The following ZNF563 variants were observed in gnomAD, a reference collection of about 807,000 sequenced individuals.
ZNF563 encodes the protein zinc finger protein 563.
Under a neutral mutation model 48.5 loss-of-function variants are expected in ZNF563, and 39 were observed. That is an observed-to-expected ratio of 0.80 (90% CI 0.62 to 1.05). The LOEUF (loss-of-function observed/expected upper bound fraction) is 1.05. Ranked by LOEUF, ZNF563 falls within the 50% of genes least tolerant of loss-of-function variation. ZNF563 has a pLI of 0.00. For synonymous variants in ZNF563, 168 were observed against 187.9 expected (o/e 0.89, Z 0.87); for missense variants, 538 against 597.0 (o/e 0.90, Z 1.03).
chr19:12,322,521 A>T, intron 2 of ZNF563, 64 bp downstream of exon 2: 1 of 1,497,432 alleles, frequency 6.7e-7, no homozygotes, highest in Non-Finnish European at 9.0e-7. Context: ...ATCATTGAAC[A>T]GCACTGATGA....
At chr19:12,335,468 A>G (rs1969008789), upstream of ZNF563, among the ~76,000 whole-genome samples, 1 of 152,228 alleles carries the variant, frequency 6.6e-6, no homozygotes, top group Non-Finnish European at 1.5e-5. Flanking sequence ...CCTGGGCCAC[A>G]TTGGAAGAAG....
upstream of ZNF563, among the ~76,000 whole-genome samples, chr19:12,336,742 C>G (rs144231400): frequency 9.8e-4 from 150 of 152,316 alleles, 1 homozygote; most frequent in Admixed American, 2.6e-3. Context: ...TTCAGTCACT[C>G]CCTGACCTTC....
At chr19:12,336,363 C>A (rs1278838358), upstream of ZNF563, among the ~76,000 whole-genome samples, 1 of 151,950 alleles carries the variant, frequency 6.6e-6, no homozygotes, top group South Asian at 2.1e-4. Flanking sequence ...GAGGCTGAGG[C>A]GGGCAGATCA....
chr19:12,342,066 C>T, the ZNF563 span, among the ~76,000 whole-genome samples: 1 of 152,204 alleles, frequency 6.6e-6, no homozygotes, highest in Non-Finnish European at 1.5e-5. Flanking sequence ...AGTTGGAGTA[C>T]AGTGGCATGA....
At chr19:12,330,440 G>A (rs1968893364) in intron 1 of ZNF563, among the ~76,000 whole-genome samples, 1 of 152,136 alleles carries the variant, frequency 6.6e-6, no homozygotes, top group South Asian at 2.1e-4. Flanking sequence ...CGTAGTTTAT[G>A]GCAATCTGGT....
At chr19:12,320,805 G>C (rs1450490457) in intron 3 of ZNF563, among the ~76,000 whole-genome samples, 1 of 151,994 alleles carries the variant, frequency 6.6e-6, no homozygotes, top group African/African-American at 2.4e-5. Context: ...AGCCTCATAT[G>C]TAAATTCTTA....
At position 12,319,282 on chromosome 19, in the gene ZNF563, G is replaced by T; in HGVS notation, c.743C>A (p.Thr248Asn). The T allele has an allele frequency of 1.2e-6, 2 of 1,613,838 alleles. No individual in the cohort carries two copies. The highest frequency in any genetic ancestry group is 1.7e-6 in the Non-Finnish European group (2 of 1,179,958). ...SSYRRHERMH[T>N]GEKPYECKQC... ...CTTACATTCATACGGTTTCTCCCCA[G>T]TGTGCATTCTCTCATGTCTTCGATA... The change falls in exon 4 of 4, where the codon ACT (threonine) becomes AAT (asparagine). Residue 248 changes from threonine (T) to asparagine (N), a missense_variant. Coordinates refer to ENST00000293725, the MANE Select transcript of ZNF563 (RefSeq NM_145276.3).
the ZNF563 span, among the ~76,000 whole-genome samples, chr19:12,338,728 T>C: frequency 1.3e-5 from 2 of 152,098 alleles, no homozygotes; most frequent in African/African-American, 4.8e-5. Flanking sequence ...GGCACATGCC[T>C]GTAATCCCAG....
chr19:12,342,972 T>C, the ZNF563 span, among the ~76,000 whole-genome samples: 256 of 139,514 alleles, frequency 1.8e-3, 1 homozygote, highest in African/African-American at 6.0e-3. Flanking sequence ...CCGAGGCGGG[T>C]GGATCACGAG....
At chr19:12,326,903 A>G (rs1016905674) in intron 1 of ZNF563, among the ~76,000 whole-genome samples, 2 of 152,212 alleles carry the variant, frequency 1.3e-5, no homozygotes, top group African/African-American at 4.8e-5. Flanking sequence ...TAATAGTATC[A>G]ACAATGTATT....
chr19:12,340,797 C>T, the ZNF563 span, among the ~76,000 whole-genome samples: 25 of 151,618 alleles, frequency 1.6e-4, no homozygotes, highest in African/African-American at 5.3e-4. Context: ...AAGTCAACTA[C>T]GAATCTAATA....
In ZNF563 at chr19:12,322,724, A is replaced by G. The variant is rs1968666681; in HGVS notation, c.4-13T>C. ...AGGCCACTGCGTCCTGAAACATCCC[A>G]CATAGATAGAGGAGAAAGGTTGAGT... On this transcript the variant is annotated splice_polypyrimidine_tract_variant and intron_variant, in intron 1 of 3. Transcript: ENST00000293725. The G allele has an allele frequency of 1.3e-6, 2 of 1,585,268 alleles. No homozygotes were observed. Among genetic ancestry groups the G allele is most frequent in the Non-Finnish European group, 8.6e-7 (1 of 1,166,546 alleles).
rs559924158 is a variant in ZNF563 at position 12,325,501 on chromosome 19, C to T, written c.4-2790G>A. ...AAAAAAAAAAAAGACATACATTAGC[C>T]CACCTAAGTCTAAAAGGAAAAAACT... is the stretch of plus-strand genomic sequence containing the variant. On this transcript the variant is annotated intron_variant, in intron 1 of 3. Transcript: ENST00000293725. Among the ~76,000 whole-genome samples, 7 of 151,726 alleles carry T rather than the reference C, an allele frequency of 4.6e-5. No individual in the cohort carries two copies. In the East Asian group the frequency reaches 1.4e-3, roughly 29 times the overall value.
In ZNF563 at chr19:12,318,926, A is replaced by G; in HGVS notation, c.1099T>C (p.Cys367Arg). The G allele has an allele frequency of 6.2e-7, 1 of 1,614,230 alleles. No individual in the cohort carries two copies. ...GATAACGTTTTCCCACACTGCTTGC[A>G]TTCATAGGGTTTCTCTCCAGTGTGA... ...RIHTGEKPYE[C>R]KQCGKTLSHS... is the part of the protein sequence containing the mutation. Residue 367 changes from cysteine to arginine, a missense_variant, in exon 4 of 4, where the codon TGC (cysteine) becomes CGC (arginine). Transcript: ENST00000293725.
At chr19:12,325,172 A>G (rs1424828494) in intron 1 of ZNF563, among the ~76,000 whole-genome samples, 1 of 152,218 alleles carries the variant, frequency 6.6e-6, no homozygotes, top group Non-Finnish European at 1.5e-5. Flanking sequence ...TACTTGAGAC[A>G]GCAGACTGTA....
the ZNF563 span, among the ~76,000 whole-genome samples, chr19:12,340,405 G>A: frequency 6.6e-6 from 1 of 152,160 alleles, no homozygotes; most frequent in African/African-American, 2.4e-5. Flanking sequence ...TCAGGAGACT[G>A]AGGTAGGACC....
At chr19:12,325,383 T>A (rs527575127) in intron 1 of ZNF563, among the ~76,000 whole-genome samples, 4 of 150,158 alleles carry the variant, frequency 2.7e-5, no homozygotes, top group Non-Finnish European at 5.9e-5. Flanking sequence ...AGCAGGAGAA[T>A]CGCTTGAACC....
the ZNF563 span, chr19:12,347,142 G>C: frequency 1.3e-5 from 2 of 152,164 alleles, no homozygotes; most frequent in African/African-American, 4.8e-5. Flanking sequence ...AGGTCTATTT[G>C]AGATATATTT....
intron 2 of ZNF563, 92 bp from the exon 3 acceptor site, chr19:12,321,424 T>C (rs1968621808): frequency 2.6e-6 from 2 of 756,734 alleles, no homozygotes; most frequent in South Asian, 2.5e-5. Flanking sequence ...ACATGATTCG[T>C]TCATCAAACT....
Sources: gnomAD v4.1 joint callset for allele counts (sites outside exome capture counted in the v4.1 genomes callset) on GRCh38, gnomAD v4.1.1 for gene constraint, MANE v1.5 for transcripts, NCBI Gene and HGNC (gene_info 2026-07-23, HGNC 2026-07-21) for gene names.